Variants in BRAF observed in about 807,000 individuals in gnomAD.
BRAF encodes serine/threonine-protein kinase B-raf.
A neutral mutation model predicts 104.6 loss-of-function variants in BRAF; 16 were observed. That is an observed-to-expected ratio of 0.15 (90% confidence interval 0.10 to 0.23). The LOEUF (loss-of-function observed/expected upper bound fraction) is 0.23. Among genes scored for constraint, BRAF ranks in the 10% least tolerant of loss-of-function variants. BRAF has a pLI of 1.00. For synonymous variants in BRAF, 310 were observed against 341.6 expected (o/e 0.91, Z 1.02); for missense variants, 541 against 937.3 (o/e 0.58, Z 5.52).
chr7:140,806,749 A>C (rs552173562), intron 5 of BRAF, among the ~76,000 whole-genome samples: 1 of 152,336 alleles, frequency 6.6e-6, no homozygotes, highest in East Asian at 1.9e-4. Context: ...TATTTGCTGC[A>C]CAGTAAAATT....
At chr7:140,881,083 T>C (rs1812849461) in intron 1 of BRAF, among the ~76,000 whole-genome samples, 1 of 152,252 alleles carries the variant, frequency 6.6e-6, no homozygotes. Context: ...GGGATCTTTT[T>C]TTCTTCTGAG....
At chr7:140,763,290 C>T (rs1798953137) in intron 14 of BRAF, among the ~76,000 whole-genome samples, 3 of 143,656 alleles carry the variant, frequency 2.1e-5, no homozygotes, top group African/African-American at 5.3e-5. Flanking sequence ...GGGGGGCTGA[C>T]CCCCCCCACC....
chr7:140,786,452 T>A (rs1156816581), intron 9 of BRAF, among the ~76,000 whole-genome samples: 2 of 152,156 alleles, frequency 1.3e-5, no homozygotes. Context: ...ACAGGGAAGG[T>A]AAGTGTAAAG....
At chr7:140,814,349 C>G (rs1804596154) in intron 3 of BRAF, among the ~76,000 whole-genome samples, 1 of 152,156 alleles carries the variant, frequency 6.6e-6, no homozygotes, top group South Asian at 2.1e-4. Context: ...ATATACTACT[C>G]TACTTTTATG....
intron 18 of BRAF, among the ~76,000 whole-genome samples, chr7:140,735,555 C>A (rs963227831): frequency 6.6e-6 from 1 of 151,934 alleles, no homozygotes; most frequent in Admixed American, 6.6e-5. Context: ...TCCTGAGATA[C>A]CAATTTTTTT....
intron 7 of BRAF, 129 bp downstream of exon 7, chr7:140,800,233 G>A: frequency 2.1e-6 from 3 of 1,400,162 alleles, no homozygotes; most frequent in Non-Finnish European, 3.0e-6. Context: ...TGAGTGGTAT[G>A]ATAAGTTATT....
rs1296169289 is a variant in BRAF, at chr7:140,807,951, G to A, written c.711+9C>T. ...TTGACATTTCAAAAAAAAATGTAAA[G>A]ATACATACAAAGTTGTGTGTTGTAA... On this transcript the variant is annotated intron_variant, in intron 5 of 19. Coordinates refer to ENST00000644969, the MANE Select transcript of BRAF (RefSeq NM_001374258.1). The A allele has an allele frequency of 1.9e-6, 3 of 1,594,372 alleles. No individual in the cohort carries two copies. The Admixed American group carries it at 5.0e-5, about 27-fold the overall frequency.
intron 16 of BRAF, among the ~76,000 whole-genome samples, 158 bp from the exon 16 acceptor site, chr7:140,749,576 T>C (rs1323875035): frequency 1.3e-5 from 2 of 152,142 alleles, no homozygotes; most frequent in Non-Finnish European, 2.9e-5. Context: ...CTGATTAAGC[T>C]GAAGAAAAAA....
chr7:140,910,295 T>A (rs10279071), intron 1 of BRAF, among the ~76,000 whole-genome samples: 4,190 of 152,282 alleles, frequency 0.028, 204 homozygotes, highest in African/African-American at 0.094. Context: ...GCCTATTACA[T>A]CCTTTTGTCT....
At chr7:140,818,773 T>C (rs1030335979) in intron 3 of BRAF, among the ~76,000 whole-genome samples, 2 of 152,240 alleles carry the variant, frequency 1.3e-5, no homozygotes, top group African/African-American at 4.8e-5. Flanking sequence ...CATTTAGTGA[T>C]GTAAAAGACC....
intron 16 of BRAF, among the ~76,000 whole-genome samples, chr7:140,751,763 T>C (rs1376995275): frequency 2.0e-5 from 3 of 152,224 alleles, no homozygotes; most frequent in African/African-American, 4.8e-5. Context: ...TAGGTTTATT[T>C]TGACAAACTT....
intron 1 of BRAF, among the ~76,000 whole-genome samples, chr7:140,866,947 A>G (rs1488222154): frequency 6.6e-6 from 1 of 152,088 alleles, no homozygotes; most frequent in Admixed American, 6.6e-5. Context: ...AAAATCACCT[A>G]TTTCATTTGC....
chr7:140,725,691 T>C lies in BRAF; in HGVS notation c.*803A>G, dbSNP rs1795560831. Reference sequence around the variant, plus strand: ...CTGTATTTCCTGAGAATTTGCTACATTGTGGAGGAAAAAAAAAAAACCCAA... The same window carrying C: ...CTGTATTTCCTGAGAATTTGCTACACTGTGGAGGAAAAAAAAAAAACCCAA... On this transcript the variant is annotated 3_prime_UTR_variant, in exon 20 of 20. Coordinates refer to ENST00000644969, the MANE Select transcript of BRAF (RefSeq NM_001374258.1). The C allele has an allele frequency of 9.5e-7, 1 of 1,055,910 alleles. No homozygotes were observed. The highest frequency in any genetic ancestry group is 1.1e-6 in the Non-Finnish European group (1 of 875,258). 65.4% of individuals were successfully genotyped at this position (1,055,910 alleles called of 1,614,324 possible).
chr7:140,715,177 C>G (rs1795108046), downstream of BRAF, among the ~76,000 whole-genome samples: 1 of 152,106 alleles, frequency 6.6e-6, no homozygotes, highest in African/African-American at 2.4e-5. Context: ...CACTTTGGTT[C>G]TCTTTGGATG....
chr7:140,754,064 T>C, intron 15 of BRAF, 123 bp downstream of exon 14: 1 of 1,049,490 alleles, frequency 9.5e-7, no homozygotes. Flanking sequence ...CAATCCTTTA[T>C]TAATTCTCTT....
intron 17 of BRAF, among the ~76,000 whole-genome samples, chr7:140,742,031 G>C (rs1371281282): frequency 6.6e-6 from 1 of 151,994 alleles, no homozygotes; most frequent in African/African-American, 2.4e-5. Flanking sequence ...GTGGACACAA[G>C]AGGTTTTCAA....
chr7:140,903,094 T>C (rs544104460), intron 1 of BRAF, among the ~76,000 whole-genome samples: 3 of 151,938 alleles, frequency 2.0e-5, no homozygotes, highest in Non-Finnish European at 2.9e-5. Flanking sequence ...CTGGCTAATT[T>C]TGTATTTTTT....
In BRAF at chr7:140,782,868, C is replaced by G. The variant is rs71645968; in HGVS notation, c.1434+153G>C. On this transcript the variant is annotated intron_variant, in intron 11 of 19. Coordinates refer to ENST00000644969, the MANE Select transcript of BRAF (RefSeq NM_001374258.1). ...CAAAAAGCAGTGCCGTAGAAATATG[C>G]TTTAAGCAAAAAACTATCAGTTCTT... is the stretch of plus-strand genomic sequence containing the variant. Among the ~76,000 whole-genome samples the G allele has an allele frequency of 3.2e-3, 494 of 152,192 alleles. 3 individuals carry two copies. The highest frequency in any genetic ancestry group is 0.011 in the African/African-American group (472 of 41,526).
intron 7 of BRAF, 144 bp from the exon 8 acceptor site, chr7:140,794,611 A>T: frequency 4.0e-6 from 4 of 1,006,784 alleles, no homozygotes; most frequent in Non-Finnish European, 5.8e-6. Flanking sequence ...AATGACTTTT[A>T]AAAGTATTAA....
Sources: allele counts gnomAD v4.1 joint callset (sites outside exome capture counted in the v4.1 genomes callset), GRCh38; gene constraint gnomAD v4.1.1; transcripts MANE v1.5; gene names NCBI Gene and HGNC (gene_info 2026-07-23, HGNC 2026-07-21).